Variants in ROCK2 observed in about 807,000 individuals in gnomAD.
The protein encoded by ROCK2 is Rho associated coiled-coil containing protein kinase 2, also known as rho-associated protein kinase 2.
In ROCK2, 61 loss-of-function variants were observed where a neutral mutation model predicts 195.1. That is an observed-to-expected ratio of 0.31 (90% CI 0.25 to 0.39). The LOEUF is 0.39. Ranked by LOEUF, ROCK2 falls within the 10% of genes least tolerant of loss-of-function variation. The probability of loss-of-function intolerance (pLI) is 1.00; values close to 1 mark genes in which losing one functional copy is unlikely to be tolerated. For synonymous variants in ROCK2, 504 were observed against 545.5 expected, an observed-to-expected ratio of 0.92 and a Z score of 1.06; for missense variants, 1,109 against 1,637.4, an observed-to-expected ratio of 0.68 and a Z score of 5.57.
chr2:11,194,871 T>C lies in ROCK2; in HGVS notation c.3519+84A>G, dbSNP rs1200434278. ...TATGTGTCTAAAGGTACCAGTCATG[T>C]ATATCCTACAACTACAAAAGCCAAA... On this transcript the variant is annotated intron_variant, in intron 28 of 32. Transcript: ENST00000315872. The C allele has an allele frequency of 6.3e-6, 4 of 634,494 alleles. No individual in the cohort carries two copies. In the East Asian group the frequency reaches 1.1e-4, roughly 18 times the overall value. The allele number at this position is 634,494 out of a possible 1,614,324, so 39.3% of individuals were successfully genotyped here.
chr2:11,193,249 G>C (rs1663500966), intron 30 of ROCK2, among the ~76,000 whole-genome samples: 2 of 152,112 alleles, frequency 1.3e-5, no homozygotes, highest in South Asian at 4.1e-4. Flanking sequence ...AGAAAACAAG[G>C]AGCCAACTTC....
chr2:11,273,309 A>G (rs1043220331), intron 3 of ROCK2, among the ~76,000 whole-genome samples: 1 of 152,192 alleles, frequency 6.6e-6, no homozygotes, highest in Admixed American at 6.5e-5. Flanking sequence ...ACTGATTGAT[A>G]GTGGAAGGAT....
rs760119387 is a variant in ROCK2 at position 11,193,806 on chromosome 2, A to G, written c.3660T>C (p.Asp1220=). 2.9e-5 allele frequency: 46 copies of G among 1,598,706 alleles called. No individual in the cohort carries two copies. The highest frequency in any genetic ancestry group is 3.8e-5 in the Non-Finnish European group (45 of 1,172,410). Residue 1220 remains aspartate, a synonymous_variant, in exon 30 of 33, where the codon GAT becomes GAC. Transcript: ENST00000315872. ...PVTQTDVYRA[D]AKEIPRIFQI... is the part of the protein sequence containing the mutation. Reference sequence around the variant, plus strand: ...GGAATATCCTTGGAATTTCTTTAGCATCTGCTCTATACACATCTGTCTGTG... The same window carrying G: ...GGAATATCCTTGGAATTTCTTTAGCGTCTGCTCTATACACATCTGTCTGTG...
intron 1 of ROCK2, among the ~76,000 whole-genome samples, chr2:11,338,793 C>T (rs1005645890): frequency 1.3e-5 from 2 of 151,868 alleles, no homozygotes; most frequent in Non-Finnish European, 2.9e-5. Flanking sequence ...CTGACACACA[C>T]AATAACACAG....
intron 1 of ROCK2, among the ~76,000 whole-genome samples, chr2:11,305,706 A>G (rs1667839106): frequency 6.6e-6 from 1 of 152,232 alleles, no homozygotes; most frequent in African/African-American, 2.4e-5. Context: ...GGAAGTGCAC[A>G]GGTGATAAAA....
chr2:11,272,646 G>A (rs188347344), intron 3 of ROCK2, among the ~76,000 whole-genome samples: 29 of 152,092 alleles, frequency 1.9e-4, no homozygotes, highest in Admixed American at 3.9e-4. Flanking sequence ...TTGGGAGGCC[G>A]AGGCAGGTGG....
At chr2:11,311,755 G>A (rs749082134) in intron 1 of ROCK2, among the ~76,000 whole-genome samples, 3 of 150,196 alleles carry the variant, frequency 2.0e-5, no homozygotes, top group Non-Finnish European at 4.4e-5. Context: ...GAGAGAAAGC[G>A]CACACGCGCG....
In ROCK2 at chr2:11,288,879, G is replaced by A. The variant is rs116078046; in HGVS notation, c.142-1143C>T. Among the ~76,000 whole-genome samples the A allele has an allele frequency of 4.5e-3, 681 of 152,140 alleles. 3 individuals carry two copies. Among genetic ancestry groups the A allele is most frequent in the Middle Eastern group, 0.017 (5 of 294 alleles). ...TTGAGCCCAGGAGTTCCAGACCAACGTGGGCAACACAGTGACACCCTGTCT... is the reference window on the plus strand; with the variant it reads ...TTGAGCCCAGGAGTTCCAGACCAACATGGGCAACACAGTGACACCCTGTCT... On this transcript the variant is annotated intron_variant, in intron 1 of 32. Coordinates refer to ENST00000315872, the MANE Select transcript of ROCK2 (RefSeq NM_004850.5).
intron 1 of ROCK2, among the ~76,000 whole-genome samples, chr2:11,319,191 G>C (rs1668324088): frequency 6.6e-6 from 1 of 152,146 alleles, no homozygotes; most frequent in Non-Finnish European, 1.5e-5. Flanking sequence ...AAATTACCTT[G>C]GGCAGTATGG....
intron 5 of ROCK2, among the ~76,000 whole-genome samples, chr2:11,234,839 T>C (rs79473696): frequency 0.011 from 1,643 of 152,130 alleles, 38 homozygotes; most frequent in African/African-American, 0.038. Flanking sequence ...TAAAAGTGAA[T>C]GTCATACAGG....
intron 28 of ROCK2, 108 bp downstream of exon 28, chr2:11,194,847 A>G (rs1419841729): frequency 6.5e-6 from 3 of 464,444 alleles, no homozygotes; most frequent in South Asian, 1.4e-4. Context: ...AACAAGTTCT[A>G]TGTGTCTAAA....
chr2:11,260,448 C>CAAAAAAAAA lies in ROCK2; in HGVS notation c.325-10659_325-10651dup, dbSNP rs35308782. Among the ~76,000 whole-genome samples, 2 of 91,526 alleles carry CAAAAAAAAA rather than the reference C, an allele frequency of 2.2e-5. 1 individual carries two copies. The highest frequency in any genetic ancestry group is 4.0e-5 in the Non-Finnish European group (2 of 49,650). The allele number at this position is 91,526 out of a possible 152,430, so 60.0% of individuals were successfully genotyped here. ...GGGTGACAGAGCGAGACTCTGTCTC[C>CAAAAAAAAA]AAAAAAAAAAAAAAAAAAAGGAGTT... On this transcript the variant is annotated intron_variant, in intron 3 of 32. Coordinates refer to ENST00000315872, the MANE Select transcript of ROCK2 (RefSeq NM_004850.5).
intron 32 of ROCK2, among the ~76,000 whole-genome samples, chr2:11,184,473 A>G (rs1268076890): frequency 6.6e-6 from 1 of 152,206 alleles, no homozygotes; most frequent in Non-Finnish European, 1.5e-5. Flanking sequence ...TATAGCCAAT[A>G]AAGAATCTGA....
chr2:11,230,175 A>G (rs1340980440), intron 5 of ROCK2, among the ~76,000 whole-genome samples: 1 of 152,160 alleles, frequency 6.6e-6, no homozygotes, highest in Non-Finnish European at 1.5e-5. Context: ...TCTAGCACCC[A>G]ATTATTGATT....
At chr2:11,194,133 C>T (rs946887000) in intron 29 of ROCK2, 123 bp downstream of exon 29, 27 of 470,234 alleles carry the variant, frequency 5.7e-5, no homozygotes, top group Non-Finnish European at 7.5e-6. Context: ...CTGTATGAAG[C>T]AAATCACAGG....
intron 3 of ROCK2, among the ~76,000 whole-genome samples, chr2:11,277,014 G>A (rs984503729): frequency 2.6e-5 from 4 of 152,004 alleles, no homozygotes; most frequent in African/African-American, 9.7e-5. Context: ...CAGAAAAACC[G>A]AATAGGGTAC....
Position 11,179,933 on chromosome 2 carries a change from CATTACTT to C in ROCK2, c.*3497_*3503del, listed in dbSNP as rs1040497448. ...TTATAATTTTCTAAACCATGCAGTT[CATTACTT>C]ATTACAATTCCAAACAAAACTCATT... On this transcript the variant is annotated 3_prime_UTR_variant, in exon 33 of 33. Transcript: ENST00000315872. The C allele has an allele frequency of 6.6e-6, 1 of 151,978 alleles. No individual in the cohort carries two copies. Among genetic ancestry groups the C allele is most frequent in the Non-Finnish European group, 1.5e-5 (1 of 68,000 alleles). 9.4% of individuals were successfully genotyped at this position (151,978 alleles called of 1,614,324 possible).
intron 4 of ROCK2, among the ~76,000 whole-genome samples, chr2:11,240,172 C>T (rs1197324842): frequency 1.3e-5 from 2 of 152,170 alleles, no homozygotes; most frequent in African/African-American, 2.4e-5. Context: ...TCTAATCCTC[C>T]CCCAATACCT....
At chr2:11,321,557 G>C (rs192777751) in intron 1 of ROCK2, among the ~76,000 whole-genome samples, 1 of 151,758 alleles carries the variant, frequency 6.6e-6, no homozygotes, top group Non-Finnish European at 1.5e-5. Flanking sequence ...CCTCTGGACT[G>C]ATTTTTTTTT....
Sources: gnomAD v4.1 joint callset for allele counts (sites outside exome capture counted in the v4.1 genomes callset) on GRCh38, gnomAD v4.1.1 for gene constraint, MANE v1.5 for transcripts, NCBI Gene and HGNC (gene_info 2026-07-23, HGNC 2026-07-21) for gene names.